DENND1A: variants seen among roughly 807,000 people sequenced by gnomAD.
DENND1A encodes DENN domain-containing protein 1A.
DENND1A carries 51 observed loss-of-function variants against 113.7 expected under a neutral mutation model. The observed-to-expected ratio is 0.45, with a 90% CI of 0.36 to 0.57. The LOEUF (loss-of-function observed/expected upper bound fraction) is 0.57. Among genes scored for constraint, DENND1A ranks in the 20% least tolerant of loss-of-function variants. The pLI is 0.00. For missense variants in DENND1A, 1,258 were observed against 1,395.9 expected (o/e 0.90, Z 1.57); for synonymous variants, 565 against 570.8 (o/e 0.99, Z 0.14).
chr9:123,818,561 C>CAT (rs1250943832), intron 2 of DENND1A, among the ~76,000 whole-genome samples: 2 of 116,498 alleles, frequency 1.7e-5, no homozygotes, highest in African/African-American at 6.0e-5. Context: ...CACACACACA[C>CAT]ACACACATAT....
At chr9:123,708,548 T>C (rs981520275) in intron 5 of DENND1A, among the ~76,000 whole-genome samples, 1 of 152,170 alleles carries the variant, frequency 6.6e-6, no homozygotes, top group East Asian at 1.9e-4. Flanking sequence ...CTTCAGAGTC[T>C]AAGTATATTC....
In DENND1A at chr9:123,538,855, T is replaced by TACAC. The variant is rs1295090060; in HGVS notation, c.993+18714_993+18715insGTGT. Among the ~76,000 whole-genome samples, 147 of 101,290 alleles carry TACAC rather than the reference T, an allele frequency of 1.5e-3. 11 individuals are homozygous for TACAC. The highest frequency in any genetic ancestry group is 2.2e-3 in the African/African-American group (56 of 25,926). 66.5% of individuals were successfully genotyped at this position (101,290 alleles called of 152,430 possible). On this transcript the variant is annotated intron_variant, in intron 13 of 23. Transcript: ENST00000394215. ...ATATATATATATATATATATATATATATATGAATTCATACATATTTATGTA... is the reference window on the plus strand; with the variant it reads ...ATATATATATATATATATATATATATACACATATGAATTCATACATATTTATGTA...
At chr9:123,386,390 T>C (rs1467867281) in intron 22 of DENND1A, among the ~76,000 whole-genome samples, 1 of 150,972 alleles carries the variant, frequency 6.6e-6, no homozygotes, top group Non-Finnish European at 1.5e-5. Flanking sequence ...TCTTTTTTTT[T>C]TTTTTTTTAA....
chr9:123,381,544 G>T lies in DENND1A; in HGVS notation c.3101C>A (p.Pro1034His). 1 of 1,613,786 alleles carries T rather than the reference G, an allele frequency of 6.2e-7. No individual in the cohort carries two copies. The highest frequency in any genetic ancestry group is 1.1e-5 in the South Asian group (1 of 91,084). ...GGTTTTCTGTAACAAATCCTCAAAG[G>T]GGTCTCTGGCCTGTTGAGGAGCAGA... is the stretch of plus-strand genomic sequence containing the variant. ...QPSAPQQARDPFEDLLQKTKQ... is the reference protein window; with the variant it reads ...QPSAPQQARDHFEDLLQKTKQ... Residue 1034 changes from proline to histidine, a missense_variant, in exon 24 of 24, where the codon CCC becomes CAC. By Grantham distance (77) the Pro-to-His change is moderately conservative. Coordinates refer to ENST00000394215, the MANE Select transcript of DENND1A (RefSeq NM_001352964.2). The surrounding 1 kb of genome is among the most constrained non-coding windows in gnomAD (Gnocchi z 4.7).
chr9:123,495,496 T>C (rs1253731819), intron 13 of DENND1A, among the ~76,000 whole-genome samples: 1 of 152,204 alleles, frequency 6.6e-6, no homozygotes, highest in Non-Finnish European at 1.5e-5. Context: ...AATGGCCACT[T>C]TCTCCAGGAT....
At chr9:123,564,340 C>T (rs976379670) in intron 12 of DENND1A, among the ~76,000 whole-genome samples, 3 of 152,238 alleles carry the variant, frequency 2.0e-5, no homozygotes, top group Admixed American at 6.5e-5. Flanking sequence ...CTATCTCTTT[C>T]CATCAATGCT....
chr9:123,583,815 C>T (rs1385194870), intron 11 of DENND1A, among the ~76,000 whole-genome samples: 1 of 152,196 alleles, frequency 6.6e-6, no homozygotes, highest in African/African-American at 2.4e-5. Flanking sequence ...CCATTTTCCA[C>T]AGATATCCAG....
intron 19 of DENND1A, among the ~76,000 whole-genome samples, chr9:123,438,635 G>C (rs79301077): frequency 2.7e-3 from 412 of 152,176 alleles, no homozygotes; most frequent in African/African-American, 9.4e-3. Flanking sequence ...CATAATGCTG[G>C]CAGCCACGTG....
At chr9:123,880,643 C>A (rs920657596) in intron 1 of DENND1A, among the ~76,000 whole-genome samples, 2 of 152,142 alleles carry the variant, frequency 1.3e-5, no homozygotes, top group Non-Finnish European at 2.9e-5. Flanking sequence ...CTCATTTCAT[C>A]GTCATCATAA....
intron 1 of DENND1A, among the ~76,000 whole-genome samples, chr9:123,886,494 A>C (rs1849105329): frequency 6.6e-6 from 1 of 152,218 alleles, no homozygotes. Flanking sequence ...TTACATGCTG[A>C]AGGGGCTGAG....
intron 13 of DENND1A, among the ~76,000 whole-genome samples, chr9:123,534,183 A>C (rs2055550398): frequency 6.6e-6 from 1 of 152,224 alleles, no homozygotes; most frequent in Admixed American, 6.5e-5. Context: ...ACATTGTCTT[A>C]AGAGTTTTTC....
chr9:123,902,174 T>TACACAC (rs9299289), intron 1 of DENND1A, among the ~76,000 whole-genome samples: 12,905 of 131,982 alleles, frequency 0.098, 792 homozygotes, highest in African/African-American at 0.18. Context: ...CACACACACA[T>TACACAC]ACACACACAC....
intron 9 of DENND1A, among the ~76,000 whole-genome samples, chr9:123,645,255 CTTTT>C: frequency 6.6e-6 from 1 of 152,168 alleles, no homozygotes; most frequent in Non-Finnish European, 1.5e-5. Flanking sequence ...TGCTAGACAG[CTTTT>C]ATCTTTCATG....
At chr9:123,857,349 T>C (rs1844371689) in intron 2 of DENND1A, among the ~76,000 whole-genome samples, 1 of 152,162 alleles carries the variant, frequency 6.6e-6, no homozygotes, top group Non-Finnish European at 1.5e-5. Context: ...ATTTGAACAA[T>C]TCAGTAACAA....
chr9:123,442,302 G>A (rs563042024), intron 18 of DENND1A, among the ~76,000 whole-genome samples: 2 of 152,258 alleles, frequency 1.3e-5, no homozygotes, highest in African/African-American at 2.4e-5. Context: ...GGTGGCCCAC[G>A]TTTGATCAAC....
intron 18 of DENND1A, among the ~76,000 whole-genome samples, chr9:123,450,096 AG>A (rs1403996661): frequency 2.6e-5 from 4 of 151,130 alleles, no homozygotes; most frequent in Non-Finnish European, 5.9e-5. Context: ...GCCAGGACAT[AG>A]CTGGGATGAT....
At chr9:123,522,113 C>G (rs376494996) in intron 13 of DENND1A, among the ~76,000 whole-genome samples, 2 of 152,204 alleles carry the variant, frequency 1.3e-5, no homozygotes, top group African/African-American at 4.8e-5. Flanking sequence ...AATTGCCCAA[C>G]AATGGCAAAT....
intron 3 of DENND1A, among the ~76,000 whole-genome samples, chr9:123,780,136 G>A (rs1472103830): frequency 7.2e-5 from 11 of 152,162 alleles, no homozygotes; most frequent in East Asian, 1.9e-4. Flanking sequence ...TTACAGGCGT[G>A]AGCCACCATG....
intron 19 of DENND1A, among the ~76,000 whole-genome samples, chr9:123,415,750 G>C (rs770327432): frequency 1.3e-5 from 2 of 152,216 alleles, no homozygotes; most frequent in Non-Finnish European, 2.9e-5. Flanking sequence ...CTGCTGCAGG[G>C]ATGCGGGGCA....
Sources: gnomAD v4.1 joint callset for allele counts (sites outside exome capture counted in the v4.1 genomes callset) on GRCh38, gnomAD v4.1.1 for gene constraint, Gnocchi (gnomAD v3.1) non-coding constraint, MANE v1.5 for transcripts, NCBI Gene and HGNC (gene_info 2026-07-23, HGNC 2026-07-21) for gene names.